Variants in WNK1 observed in about 807,000 individuals in gnomAD.
WNK1 encodes the protein WNK lysine deficient protein kinase 1, also known as serine/threonine-protein kinase WNK1.
In WNK1, 38 loss-of-function variants were observed where a neutral mutation model predicts 222.8. The ratio of observed to expected loss-of-function variants is 0.17; its 90% confidence interval spans 0.13 to 0.22. The LOEUF is 0.22. WNK1 is among the 10% of genes least tolerant of loss of function. The probability of loss-of-function intolerance (pLI) is 1.00; values close to 1 mark genes in which losing one functional copy is unlikely to be tolerated. For missense variants in WNK1, 2,348 were observed against 2,918.4 expected (o/e 0.80, Z 4.50); for synonymous variants, 1,090 against 1,092.9 (o/e 1.00, Z 0.05).
chr12:885,119 G>A lies in WNK1; in HGVS notation c.4315G>A (p.Glu1439Lys). Residue 1439 changes from glutamate (E) to lysine (K), a missense_variant, in exon 19 of 28, where the codon GAG becomes AAG. Physicochemically the swap from Glu to Lys is moderately conservative, Grantham distance 56. Around this residue, in one of 13 missense-constraint regions of WNK1, gnomAD observed 1,144 missense variants for 1,273.6 expected, o/e 0.90. Coordinates refer to ENST00000315939, the MANE Select transcript of WNK1 (RefSeq NM_018979.4). ...ACTTCAAGTCCCCACATCCACATCTGAGATCGTTGTTTCTAGTACAGCACT... is the reference window on the plus strand; with the variant it reads ...ACTTCAAGTCCCCACATCCACATCTAAGATCGTTGTTTCTAGTACAGCACT... Reference protein sequence around the residue: ...PSLQVPTSTSEIVVSSTALYP... With the variant: ...PSLQVPTSTSKIVVSSTALYP... The A allele has an allele frequency of 6.2e-7, 1 of 1,614,152 alleles. No individual in the cohort carries two copies. The highest frequency in any genetic ancestry group is 8.5e-7 in the Non-Finnish European group (1 of 1,180,018).
intron 4 of WNK1, among the ~76,000 whole-genome samples, chr12:855,031 G>A (rs1248310192): frequency 1.3e-5 from 2 of 152,178 alleles, no homozygotes; most frequent in Non-Finnish European, 2.9e-5. Flanking sequence ...AATAAGGAGG[G>A]CCAACTGTGC....
chr12:907,623 T>A (rs1189428291), intron 26 of WNK1: 1 of 593,500 alleles, frequency 1.7e-6, no homozygotes, highest in Non-Finnish European at 3.0e-6. Context: ...CATCCTGAGT[T>A]GTTCAGCCTT....
Position 821,375 on chromosome 12 carries a change from T to A in WNK1, c.933-5667T>A, listed in dbSNP as rs183176138. On this transcript the variant is annotated intron_variant, in intron 2 of 27. Transcript: ENST00000315939. The stretch of plus-strand genomic sequence containing the variant: ...TAGAAAGTGTTTCCTCCACTTTTGC[T>A]TTTTGGAAGAGTAGGATTTGTGTTA... Among the ~76,000 whole-genome samples, 63 of 152,318 alleles carry A rather than the reference T, an allele frequency of 4.1e-4. 1 individual carries two copies. In the East Asian group the frequency reaches 4.2e-3, roughly 10 times the overall value.
Position 882,439 on chromosome 12 carries a change from C to T in WNK1, c.3372+366C>T, listed in dbSNP as rs1019974867. Among the ~76,000 whole-genome samples the T allele has an allele frequency of 5.3e-5, 8 of 152,040 alleles. No homozygotes were observed. In the East Asian group the frequency reaches 7.7e-4, roughly 15 times the overall value. On this transcript the variant is annotated intron_variant, in intron 14 of 27. Transcript: ENST00000315939. ...GTTTCAAACTCCTGACCTCAGGTGA[C>T]TCACCTGCCTCAGCCTCCCAAACCA...
At position 827,334 on chromosome 12, in the gene WNK1, C is replaced by T. The variant is rs1256010743; in HGVS notation, c.1153+72C>T. 6 of 1,387,530 alleles carry T rather than the reference C, an allele frequency of 4.3e-6. No individual in the cohort carries two copies. Among genetic ancestry groups the T allele is most frequent in the Non-Finnish European group, 6.2e-6 (6 of 975,210 alleles). 86.0% of individuals were successfully genotyped at this position (1,387,530 alleles called of 1,614,324 possible). On this transcript the variant is annotated intron_variant, in intron 3 of 27. Transcript: ENST00000315939. The surrounding 1 kb of genome is among the most constrained non-coding windows in gnomAD (Gnocchi z 4.6). ...CTTTTATTTAGAATCCTGGCTCTGT[C>T]AGAGTTTTAAGTGATATAAACCTTA...
rs1951269917 is a variant in WNK1, at chr12:862,188, C to G, written c.2057C>G (p.Ser686Cys). ...GGTTCCCAACATGAACAGGCACATT[C>G]TACAGGCACAGTCCCAGGGCATATA... ...SYGSQHEQAHSTGTVPGHIPS... is the reference protein window; with the variant it reads ...SYGSQHEQAHCTGTVPGHIPS... The change falls in exon 8 of 28, where the codon TCT becomes TGT. Residue 686 changes from serine (S) to cysteine (C), a missense_variant. Physicochemically the swap from Ser to Cys is moderately radical, Grantham distance 112. Transcript: ENST00000315939. 1.9e-6 allele frequency: 3 copies of G among 1,614,126 alleles called. No homozygotes were observed. Among genetic ancestry groups the G allele is most frequent in the Non-Finnish European group, 2.5e-6 (3 of 1,180,004 alleles).
chr12:811,661 T>TA lies in WNK1; in HGVS notation c.760-1977dup, dbSNP rs1253951028. 2.6e-5 allele frequency among the ~76,000 whole-genome samples: 4 copies of TA among 152,106 alleles called. No homozygotes were observed. In the East Asian group the frequency reaches 7.7e-4, roughly 29 times the overall value. Reference sequence around the variant, plus strand: ...TATTGTCTTAAAGTCTTTTGGGTGCTAAAATTATGTACTTCTCTAAGATAT... The same window carrying TA: ...TATTGTCTTAAAGTCTTTTGGGTGCTAAAAATTATGTACTTCTCTAAGATAT... On this transcript the variant is annotated intron_variant, in intron 1 of 27. Coordinates refer to ENST00000315939, the MANE Select transcript of WNK1 (RefSeq NM_018979.4).
At chr12:789,680 A>C (rs1038350293) in intron 1 of WNK1, among the ~76,000 whole-genome samples, 5 of 151,742 alleles carry the variant, frequency 3.3e-5, no homozygotes, top group African/African-American at 1.2e-4. Context: ...ATGCCACCAA[A>C]CGCCAGGCTA....
At chr12:771,704 G>A (rs1942528684) in intron 1 of WNK1, among the ~76,000 whole-genome samples, 1 of 152,074 alleles carries the variant, frequency 6.6e-6, no homozygotes, top group African/African-American at 2.4e-5. Flanking sequence ...CAAAGTGTTG[G>A]GATTACAGGC....
chr12:900,023 T>TC (rs1027540276), intron 25 of WNK1, among the ~76,000 whole-genome samples: 1 of 116,112 alleles, frequency 8.6e-6, no homozygotes, highest in Admixed American at 9.2e-5. Context: ...TTTCTTTTTT[T>TC]TTTTTTTTTT....
chr12:847,073 T>C (rs1950073835), intron 4 of WNK1, among the ~76,000 whole-genome samples: 1 of 152,198 alleles, frequency 6.6e-6, no homozygotes, highest in Non-Finnish European at 1.5e-5. Context: ...TTCATTATTC[T>C]GCTGTGATTT....
rs1951190103 is a variant in WNK1 at position 861,133 on chromosome 12, A to G, written c.1741A>G (p.Lys581Glu). 1 of 1,613,936 alleles carries G rather than the reference A, an allele frequency of 6.2e-7. No individual in the cohort carries two copies. The highest frequency in any genetic ancestry group is 1.3e-5 in the African/African-American group (1 of 74,894). The change falls in exon 7 of 28, where the codon AAA becomes GAA. Residue 581 changes from lysine to glutamate, a missense_variant. Coordinates refer to ENST00000315939, the MANE Select transcript of WNK1 (RefSeq NM_018979.4). ...GCAGTTGGTACGGGAGGAGCAAGAA[A>G]AAAAAAAGCAGGAAGAGAGCAGTCT... ...QRQLVREEQEKKKQEESSLKQ... is the reference protein window; with the variant it reads ...QRQLVREEQEEKKQEESSLKQ...
At chr12:777,281 T>A in intron 1 of WNK1, among the ~76,000 whole-genome samples, 1 of 151,538 alleles carries the variant, frequency 6.6e-6, no homozygotes, top group East Asian at 1.9e-4. Flanking sequence ...TGCCTCAGCC[T>A]CCTCAGTAGC....
chr12:767,269 T>A lies in WNK1; in HGVS notation c.759+12945T>A, dbSNP rs952569270. ...TTTTTTTTTTTTTTTTTTTTTTTTT[T>A]GGAGACAGAGTCTTGCTCTGTCGCT... On this transcript the variant is annotated intron_variant, in intron 1 of 27. Transcript: ENST00000315939. Among the ~76,000 whole-genome samples the A allele has an allele frequency of 3.4e-3, 339 of 98,684 alleles. 7 individuals are homozygous for A. The highest frequency in any genetic ancestry group is 0.012 in the African/African-American group (325 of 27,234). The allele number at this position is 98,684 out of a possible 152,430, so 64.7% of individuals were successfully genotyped here.
rs752605536 is a variant in WNK1 at position 868,840 on chromosome 12, C to A, written c.2140-2425C>A. 8 of 1,613,896 alleles carry A rather than the reference C, an allele frequency of 5.0e-6. No individual in the cohort carries two copies. The Admixed American group carries it at 1.3e-4, about 27-fold the overall frequency. On this transcript the variant is annotated intron_variant, in intron 8 of 27. Transcript: ENST00000315939. ...TGACCGTTTCTGTGGTAGAGCCTAT[C>A]GGACAGAACTGGCCAATAGGAAGCC...
At chr12:890,165 C>T (rs1954081231) in intron 21 of WNK1, among the ~76,000 whole-genome samples, 1 of 151,842 alleles carries the variant, frequency 6.6e-6, no homozygotes, top group Non-Finnish European at 1.5e-5. Flanking sequence ...GTTGGCCAGG[C>T]CGGTCTCGAA....
At chr12:835,021 T>C (rs1303097441) in intron 4 of WNK1, among the ~76,000 whole-genome samples, 1 of 152,176 alleles carries the variant, frequency 6.6e-6, no homozygotes, top group East Asian at 1.9e-4. Flanking sequence ...TTCTTTCTTG[T>C]GAATAACCAA....
At position 883,427 on chromosome 12, in the gene WNK1, A is replaced by G; in HGVS notation, c.3522A>G (p.Arg1174=). The G allele has an allele frequency of 1.2e-6, 2 of 1,614,210 alleles. No homozygotes were observed. The highest frequency in any genetic ancestry group is 1.7e-6 in the Non-Finnish European group (2 of 1,180,034). The change falls in exon 16 of 28, where the codon AGA becomes AGG. Residue 1174 remains arginine (R), a synonymous_variant. Coordinates refer to ENST00000315939, the MANE Select transcript of WNK1 (RefSeq NM_018979.4). ...ATGACTTTATTCTAGCAATAGAGAG[A>G]GAGTCGTTTGTGGATCAAGTGCGAG... The part of the protein sequence containing the change: ...VNNDFILAIE[R]ESFVDQVREI...
At chr12:868,211 A>T (rs769833313) in intron 8 of WNK1, 1 of 1,612,426 alleles carries the variant, frequency 6.2e-7, no homozygotes, top group Admixed American at 1.7e-5. Context: ...TCAAGTTTAC[A>T]GTGACTATAG....
Sources: allele counts gnomAD v4.1 joint callset (sites outside exome capture counted in the v4.1 genomes callset), GRCh38; gene constraint gnomAD v4.1.1; regional missense constraint gnomAD v4.1.1; non-coding constraint Gnocchi (gnomAD v3.1); transcripts MANE v1.5; gene names NCBI Gene and HGNC (gene_info 2026-07-23, HGNC 2026-07-21).